GPR153: variants seen among roughly 807,000 people sequenced by gnomAD.
The protein encoded by GPR153 is probable G protein-coupled receptor 153.
GPR153 carries 27 observed loss-of-function variants against 34.1 expected under a neutral mutation model. The observed-to-expected ratio is 0.79, with a 90% CI of 0.58 to 1.09. The LOEUF is 1.09. GPR153 is among the 50% of genes least tolerant of loss of function. GPR153 has a pLI of 0.00. For missense variants in GPR153, 848 were observed against 860.2 expected (o/e 0.99, Z 0.18); for synonymous variants, 408 against 405.4 (o/e 1.01, Z -0.08).
At position 6,249,700 on chromosome 1, in the gene GPR153, C is replaced by A; in HGVS notation, c.1468G>T (p.Gly490Cys). Reference protein sequence around the residue: ...PGSPRRRPGPGPRSASASLLP... With the variant: ...PGSPRRRPGPCPRSASASLLP... ...AGCGAGGCCGAGGCGGAGCGGGGGC[C>A]GGGCCCGGGGCGGCGGCGCGGGCTG... is the stretch of plus-strand genomic sequence containing the variant. Residue 490 changes from glycine to cysteine, a missense_variant, in exon 6 of 6, where the codon GGC becomes TGC. Gly to Cys is a radical substitution (Grantham distance 159). Transcript: ENST00000377893. The surrounding 1 kb of genome is among the most constrained non-coding windows in gnomAD (Gnocchi z 4.3). 2 of 1,037,948 alleles carry A rather than the reference C, an allele frequency of 1.9e-6. No homozygotes were observed. The allele number at this position is 1,037,948 out of a possible 1,614,324, so 64.3% of individuals were successfully genotyped here.
chr1:6,256,801 C>T (rs540376163), intron 1 of GPR153, among the ~76,000 whole-genome samples: 49 of 152,288 alleles, frequency 3.2e-4, no homozygotes, highest in African/African-American at 9.9e-4. Flanking sequence ...CCACACCCGG[C>T]GAGACATAAA....
Position 6,250,499 on chromosome 1 carries a change from C to T in GPR153, c.1105G>A (p.Gly369Ser), listed in dbSNP as rs1340024240. The stretch of plus-strand genomic sequence containing the variant: ...CGCAGTGGGTAGAGCTGGGGCAGGC[C>T]CCCCTCCAGGGCGGAGATCTCATAC... ...AKYEISALEG[G>S]LPQLYPLRPL... The change falls in exon 5 of 6, where the codon GGC becomes AGC. Residue 369 changes from glycine to serine, a missense_variant. Transcript: ENST00000377893. 3.1e-6 allele frequency: 5 copies of T among 1,610,410 alleles called. No homozygotes were observed. Among genetic ancestry groups the T allele is most frequent in the South Asian group, 2.2e-5 (2 of 90,054 alleles).
intron 1 of GPR153, among the ~76,000 whole-genome samples, chr1:6,257,976 T>C (rs894717787): frequency 2.0e-5 from 3 of 152,224 alleles, no homozygotes; most frequent in African/African-American, 7.2e-5. Flanking sequence ...CCGGTCCTTA[T>C]GGGCATCTAT....
At position 6,254,152 on chromosome 1, in the gene GPR153, C is replaced by T. The variant is rs1345052657; in HGVS notation, c.357-5G>A. On this transcript the variant is annotated splice_polypyrimidine_tract_variant and splice_region_variant and intron_variant, in intron 2 of 5. Coordinates refer to ENST00000377893, the MANE Select transcript of GPR153 (RefSeq NM_207370.4). ...TGCTTCTTGGCATTGCTCAGCCTGG[C>T]ATGAGGCAGGGTGGAACAGAGGGAT... 1.2e-6 allele frequency: 2 copies of T among 1,601,966 alleles called. No homozygotes were observed. The highest frequency in any genetic ancestry group is 1.7e-6 in the Non-Finnish European group (2 of 1,171,864).
chr1:6,251,275 G>A lies in GPR153; in HGVS notation c.979+63C>T, dbSNP rs1638441632. The A allele has an allele frequency of 1.5e-6, 2 of 1,375,058 alleles. No individual in the cohort carries two copies. Among genetic ancestry groups the A allele is most frequent in the Non-Finnish European group, 2.0e-6 (2 of 1,004,356 alleles). The allele number at this position is 1,375,058 out of a possible 1,614,324, so 85.2% of individuals were successfully genotyped here. The stretch of plus-strand genomic sequence containing the variant: ...GGCGTTGCCTGACAGCCGTTTTCCT[G>A]CCAACCCCAATGACCTAACCTAGAC... On this transcript the variant is annotated intron_variant, in intron 4 of 5. Coordinates refer to ENST00000377893, the MANE Select transcript of GPR153 (RefSeq NM_207370.4). The surrounding 1 kb of genome is among the most constrained non-coding windows in gnomAD (Gnocchi z 4.9).
At position 6,253,955 on chromosome 1, in the gene GPR153, G is replaced by A. The variant is rs1414678754; in HGVS notation, c.549C>T (p.Ser183=). The A allele has an allele frequency of 3.7e-6, 6 of 1,612,476 alleles. No individual in the cohort carries two copies. The highest frequency in any genetic ancestry group is 4.2e-6 in the Non-Finnish European group (5 of 1,179,660). Residue 183 remains serine (S), a synonymous_variant, in exon 3 of 6, where the codon AGC becomes AGT. Coordinates refer to ENST00000377893, the MANE Select transcript of GPR153 (RefSeq NM_207370.4). ...GVCFLLLVGG[S]VAMGVICTAI... Reference sequence around the variant, plus strand: ...CTGTGCAGATCACGCCCATGGCCACGCTGCCGCCCACCAGCAGCAGGAAGC... The same window carrying A: ...CTGTGCAGATCACGCCCATGGCCACACTGCCGCCCACCAGCAGCAGGAAGC...
rs551218472 is a variant in GPR153, at chr1:6,255,354, A to G, written c.-109-340T>C. Among the ~76,000 whole-genome samples the G allele has an allele frequency of 2.4e-4, 37 of 152,056 alleles. No homozygotes were observed. The South Asian group carries it at 7.3e-3, about 30-fold the overall frequency. On this transcript the variant is annotated intron_variant, in intron 1 of 5. Transcript: ENST00000377893. ...GCTGGGACTACAGGCGCCTGCCACC[A>G]CACCCGGCTAATTTTTGTATTTTTA...
chr1:6,258,543 G>A (rs1264563373), intron 1 of GPR153, among the ~76,000 whole-genome samples: 1 of 152,256 alleles, frequency 6.6e-6, no homozygotes, highest in Non-Finnish European at 1.5e-5. Context: ...AGCCTCAGGA[G>A]TGAGGGGAGC....
intron 1 of GPR153, among the ~76,000 whole-genome samples, chr1:6,260,339 C>T (rs1257009512): frequency 6.9e-6 from 1 of 144,110 alleles, no homozygotes; most frequent in Non-Finnish European, 1.5e-5. Context: ...CCCCCCCCAG[C>T]CCCCGCCCCT....
chr1:6,250,419 C>G, intron 5 of GPR153, 21 bp downstream of exon 5: 1 of 1,552,326 alleles, frequency 6.4e-7, no homozygotes, highest in South Asian at 1.2e-5. Flanking sequence ...GGTGCGGCCT[C>G]TCCCCCAGCC....
At position 6,249,050 on chromosome 1, in the gene GPR153, C is replaced by T. The variant is rs560667124; in HGVS notation, c.*288G>A. On this transcript the variant is annotated 3_prime_UTR_variant, in exon 6 of 6. Transcript: ENST00000377893. The surrounding 1 kb of genome is among the most constrained non-coding windows in gnomAD (Gnocchi z 4.3). The stretch of plus-strand genomic sequence containing the variant: ...GTGATGGCGCAGCTGGACGTGTGCA[C>T]ATGTCACTCACTACCCAAGCCCAAG... 1.6e-5 allele frequency: 5 copies of T among 303,832 alleles called. No individual in the cohort carries two copies. The highest frequency in any genetic ancestry group is 6.0e-6 in the Non-Finnish European group (1 of 165,630). The allele number at this position is 303,832 out of a possible 1,614,324, so 18.8% of individuals were successfully genotyped here.
At chr1:6,253,585 C>G in intron 3 of GPR153, 133 bp downstream of exon 3, 1 of 862,948 alleles carries the variant, frequency 1.2e-6, no homozygotes, top group Non-Finnish European at 1.7e-6. Flanking sequence ...GTTTCCAAAT[C>G]TGGAAAATGG....
At position 6,251,254 on chromosome 1, in the gene GPR153, T is replaced by C; in HGVS notation, c.979+84A>G. The C allele has an allele frequency of 9.2e-7, 1 of 1,089,968 alleles. No homozygotes were observed. Among genetic ancestry groups the C allele is most frequent in the African/African-American group, 1.6e-5 (1 of 63,774 alleles). The allele number at this position is 1,089,968 out of a possible 1,614,324, so 67.5% of individuals were successfully genotyped here. A position where few individuals can be genotyped will look rare whatever the true frequency, so the allele number is the denominator to read the frequency against. On this transcript the variant is annotated intron_variant, in intron 4 of 5. Coordinates refer to ENST00000377893, the MANE Select transcript of GPR153 (RefSeq NM_207370.4). This position sits in a 1 kb window ranked among gnomAD's most constrained non-coding sequence, Gnocchi z 4.9. ...GAATGAAGTCACCTCCTTAGTGGCG[T>C]TGCCTGACAGCCGTTTTCCTGCCAA...
rs1557609579 is a variant in GPR153 at position 6,248,392 on chromosome 1, C to T, written c.*946G>A. On this transcript the variant is annotated 3_prime_UTR_variant, in exon 6 of 6. Coordinates refer to ENST00000377893, the MANE Select transcript of GPR153 (RefSeq NM_207370.4). ...GGCCAGGCCCTGCTGCCCTCGTGCT[C>T]TCCGCTTGCACCTGCCAGCGTCATG... 6.6e-6 allele frequency: 1 copy of T among 152,152 alleles called. No homozygotes were observed. Among genetic ancestry groups the T allele is most frequent in the Non-Finnish European group, 1.5e-5 (1 of 68,136 alleles). The allele number at this position is 152,152 out of a possible 1,614,324, so 9.4% of individuals were successfully genotyped here.
chr1:6,250,571 C>T lies in GPR153; in HGVS notation c.1033G>A (p.Asp345Asn), dbSNP rs754580955. 1 of 1,587,988 alleles carries T rather than the reference C, an allele frequency of 6.3e-7. No individual in the cohort carries two copies. The highest frequency in any genetic ancestry group is 1.1e-5 in the South Asian group (1 of 87,648). The change falls in exon 5 of 6, where the codon GAC (aspartate) becomes AAC (asparagine). Residue 345 changes from aspartate (D) to asparagine (N), a missense_variant. Coordinates refer to ENST00000377893, the MANE Select transcript of GPR153 (RefSeq NM_207370.4). Reference protein sequence around the residue: ...SPDLVLERSLDYGYGGDFVAL... With the variant: ...SPDLVLERSLNYGYGGDFVAL... Reference sequence around the variant, plus strand: ...ACAAAATCACCTCCATAGCCATAGTCCAGGGAGCGCTCCAACACCAGGTCC... The same window carrying T: ...ACAAAATCACCTCCATAGCCATAGTTCAGGGAGCGCTCCAACACCAGGTCC...
chr1:6,251,497 A>C lies in GPR153; in HGVS notation c.820T>G (p.Ser274Ala), dbSNP rs774922120. The change falls in exon 4 of 6, where the codon TCA becomes GCA. Residue 274 changes from serine to alanine, a missense_variant. By Grantham distance (99) the Ser-to-Ala change is moderately conservative (BLOSUM62 1). Coordinates refer to ENST00000377893, the MANE Select transcript of GPR153 (RefSeq NM_207370.4). The surrounding 1 kb of genome is among the most constrained non-coding windows in gnomAD (Gnocchi z 4.9). ...VSFSSLRADA[S>A]APWMALCVLW... is the part of the protein sequence containing the mutation. ...ACGCAGAGTGCCATCCAGGGCGCTG[A>C]GGCGTCGGCCCGCAGGCTGCTGAAG... 1.2e-6 allele frequency: 2 copies of C among 1,609,910 alleles called. No homozygotes were observed. The highest frequency in any genetic ancestry group is 2.2e-5 in the South Asian group (2 of 90,846).
At position 6,251,595 on chromosome 1, in the gene GPR153, G is replaced by A; in HGVS notation, c.787-65C>T. 3 of 1,462,308 alleles carry A rather than the reference G, an allele frequency of 2.1e-6. No individual in the cohort carries two copies. The highest frequency in any genetic ancestry group is 2.7e-6 in the Non-Finnish European group (3 of 1,101,206). 90.6% of individuals were successfully genotyped at this position (1,462,308 alleles called of 1,614,324 possible). On this transcript the variant is annotated intron_variant, in intron 3 of 5. Coordinates refer to ENST00000377893, the MANE Select transcript of GPR153 (RefSeq NM_207370.4). This position sits in a 1 kb window ranked among gnomAD's most constrained non-coding sequence, Gnocchi z 4.9. ...CCACCATCACACAAGCTCCCCCTGAGTCTCGGTCTCCCCATGTGTACGGCA... is the reference window on the plus strand; with the variant it reads ...CCACCATCACACAAGCTCCCCCTGAATCTCGGTCTCCCCATGTGTACGGCA...
intron 1 of GPR153, among the ~76,000 whole-genome samples, chr1:6,256,702 A>C (rs770721578): frequency 4.5e-4 from 69 of 152,206 alleles, no homozygotes; most frequent in Non-Finnish European, 8.4e-4. Flanking sequence ...GAGTCTCACT[A>C]TGTTGCCTGG....
rs1638458858 is a variant in GPR153 at position 6,251,976 on chromosome 1, A to C, written c.787-446T>G. On this transcript the variant is annotated intron_variant, in intron 3 of 5. Transcript: ENST00000377893. This position sits in a 1 kb window ranked among gnomAD's most constrained non-coding sequence, Gnocchi z 4.9. The stretch of plus-strand genomic sequence containing the variant: ...GTGCCCGGCTGCCATCCCCTTTTTG[A>C]GATGAGGAAACTGAGGCTTAGAGAA... Among the ~76,000 whole-genome samples the C allele has an allele frequency of 1.3e-5, 2 of 152,020 alleles. No individual in the cohort carries two copies. The highest frequency in any genetic ancestry group is 1.3e-4 in the Admixed American group (2 of 15,276).
Sources: allele counts gnomAD v4.1 joint callset (sites outside exome capture counted in the v4.1 genomes callset), GRCh38; gene constraint gnomAD v4.1.1; non-coding constraint Gnocchi (gnomAD v3.1); transcripts MANE v1.5; gene names NCBI Gene and HGNC (gene_info 2026-07-23, HGNC 2026-07-21).